Variants in CYREN observed in about 807,000 individuals in gnomAD.
CYREN encodes cell cycle regulator of NHEJ.
A neutral mutation model predicts 9.7 loss-of-function variants in CYREN; 7 were observed. That is an observed-to-expected ratio of 0.72 (90% CI 0.41 to 1.36). The LOEUF is 1.36. CYREN is among the 40% of genes most tolerant of loss of function. The probability of loss-of-function intolerance (pLI) is 0.01; values close to 1 mark genes in which losing one functional copy is unlikely to be tolerated. For synonymous variants in CYREN, 76 were observed against 77.9 expected, an observed-to-expected ratio of 0.98 and a Z score of 0.13; for missense variants, 215 against 198.1, an observed-to-expected ratio of 1.09 and a Z score of -0.51.
chr7:135,141,997 G>A (rs1279127818), intron 2 of CYREN, among the ~76,000 whole-genome samples: 1 of 152,084 alleles, frequency 6.6e-6, no homozygotes, highest in Admixed American at 6.6e-5. Flanking sequence ...TGTGCCATAT[G>A]CAAATGAGAA....
At chr7:135,096,607 A>G (rs1412871018) in intron 2 of CYREN, among the ~76,000 whole-genome samples, 2 of 123,228 alleles carry the variant, frequency 1.6e-5, no homozygotes, top group African/African-American at 5.7e-5. Flanking sequence ...ATAGATAGAT[A>G]GATAGATAGA....
chr7:135,121,933 G>A (rs1261695413), intron 2 of CYREN, among the ~76,000 whole-genome samples: 6 of 152,184 alleles, frequency 3.9e-5, no homozygotes, highest in African/African-American at 7.2e-5. Flanking sequence ...CACGACCCAC[G>A]CCACCAGGGC....
downstream of CYREN, among the ~76,000 whole-genome samples, chr7:135,163,960 C>T (rs1301104785): frequency 1.3e-5 from 2 of 152,188 alleles, no homozygotes; most frequent in Admixed American, 1.3e-4. Flanking sequence ...CTTACAGCTC[C>T]CCAGGTGGTT....
At chr7:135,160,757 G>C (rs536359743) in intron 2 of CYREN, among the ~76,000 whole-genome samples, 1 of 149,372 alleles carries the variant, frequency 6.7e-6, no homozygotes, top group African/African-American at 2.5e-5. Flanking sequence ...ACAAAAAAAA[G>C]AGCCCCTACT....
At chr7:135,141,757 T>C (rs981811537) in intron 2 of CYREN, among the ~76,000 whole-genome samples, 2 of 152,180 alleles carry the variant, frequency 1.3e-5, no homozygotes, top group East Asian at 1.9e-4. Context: ...ATATTTGTTT[T>C]CATTAGTTTC....
At chr7:135,104,591 T>C (rs1824365765) in intron 2 of CYREN, among the ~76,000 whole-genome samples, 1 of 152,132 alleles carries the variant, frequency 6.6e-6, no homozygotes, top group African/African-American at 2.4e-5. Flanking sequence ...CCGGCATTTG[T>C]TATTTTTTGA....
chr7:135,156,484 G>A (rs1829796715), intron 2 of CYREN, among the ~76,000 whole-genome samples: 1 of 151,780 alleles, frequency 6.6e-6, no homozygotes, highest in African/African-American at 2.4e-5. Context: ...TCTGCTTGGT[G>A]TAGTCTACTG....
chr7:135,158,369 G>C (rs765278945), intron 2 of CYREN, among the ~76,000 whole-genome samples: 1 of 152,264 alleles, frequency 6.6e-6, no homozygotes, highest in African/African-American at 2.4e-5. Context: ...GTTCCAGGGA[G>C]GGGTGCTGCC....
At chr7:135,109,310 G>C (rs1481090920) in intron 2 of CYREN, among the ~76,000 whole-genome samples, 3 of 152,214 alleles carry the variant, frequency 2.0e-5, no homozygotes, top group African/African-American at 4.8e-5. Flanking sequence ...ACGGGTGAGG[G>C]CTGCAAGAGA....
At chr7:135,170,742 G>T (rs1419764788), upstream of CYREN, 1 of 152,292 alleles carries the variant, frequency 6.6e-6, no homozygotes, top group African/African-American at 2.4e-5. Context: ...CGCGCTCCGG[G>T]GTCCCGCGGG....
intron 2 of CYREN, chr7:135,115,732 T>C: frequency 1.2e-6 from 1 of 805,708 alleles, no homozygotes; most frequent in Non-Finnish European, 1.9e-6. Flanking sequence ...GTCAGCTCCA[T>C]CACATTTGGC....
chr7:135,102,962 TAAGA>T lies in CYREN; in HGVS notation n.357-8384_357-8381del, dbSNP rs1393728006. 3.3e-5 allele frequency among the ~76,000 whole-genome samples: 5 copies of T among 152,186 alleles called. No homozygotes were observed. The East Asian group carries it at 9.6e-4, about 29-fold the overall frequency. ...AATCATTCTCTTTAAAAGACACTGT[TAAGA>T]AAATTAAAATGCATGGGACATATTG... On this transcript the variant is annotated intron_variant and non_coding_transcript_variant, in intron 2 of 2. Transcript: ENST00000459937.
intron 2 of CYREN, among the ~76,000 whole-genome samples, chr7:135,139,583 C>T (rs1829415905): frequency 2.0e-5 from 3 of 151,970 alleles, no homozygotes; most frequent in South Asian, 4.2e-4. Context: ...TTAATTAGGT[C>T]CCACTTGTAA....
chr7:135,165,101 G>C, downstream of CYREN: 1 of 1,399,308 alleles, frequency 7.1e-7, no homozygotes, highest in South Asian at 1.5e-5. Flanking sequence ...CAGCTCCAGC[G>C]ATGGAACCCA....
chr7:135,141,352 C>T (rs1404097168), intron 2 of CYREN, among the ~76,000 whole-genome samples: 1 of 151,962 alleles, frequency 6.6e-6, no homozygotes, highest in Non-Finnish European at 1.5e-5. Flanking sequence ...TACAGTCATT[C>T]ATAATTGTCT....
chr7:135,160,920 G>C (rs1166290514), downstream of CYREN, among the ~76,000 whole-genome samples: 1 of 152,210 alleles, frequency 6.6e-6, no homozygotes, highest in Non-Finnish European at 1.5e-5. Context: ...GCAGAAAGTA[G>C]AGTAGGACTC....
intron 2 of CYREN, among the ~76,000 whole-genome samples, chr7:135,131,762 GTTGT>G (rs753157961): frequency 6.6e-5 from 10 of 152,054 alleles, no homozygotes; most frequent in Non-Finnish European, 1.0e-4. Context: ...GAAACAACTG[GTTGT>G]TTGAACAGAT....
In CYREN at chr7:135,135,448, G is replaced by C. The variant is rs1562914452; in HGVS notation, n.356+33301C>G. Reference sequence around the variant, plus strand: ...GGAACATCTTTCAGAGATTTAAAAAGAAATCCAGAGAAAATATGGAAAAAT... The same window carrying C: ...GGAACATCTTTCAGAGATTTAAAAACAAATCCAGAGAAAATATGGAAAAAT... On this transcript the variant is annotated intron_variant and non_coding_transcript_variant, in intron 2 of 2. Coordinates refer to the CYREN transcript ENST00000459937. 5 of 405,380 alleles carry C rather than the reference G, an allele frequency of 1.2e-5. No individual in the cohort carries two copies. The East Asian group carries it at 1.5e-4, about 12-fold the overall frequency. The allele number at this position is 405,380 out of a possible 1,614,324, so 25.1% of individuals were successfully genotyped here.
At chr7:135,152,320 C>A (rs1027685632) in intron 2 of CYREN, among the ~76,000 whole-genome samples, 14 of 152,324 alleles carry the variant, frequency 9.2e-5, no homozygotes, top group Admixed American at 2.0e-4. Flanking sequence ...ATAATAACAT[C>A]CACACAAGGG....
Sources: gnomAD v4.1 joint callset for allele counts (sites outside exome capture counted in the v4.1 genomes callset) on GRCh38, gnomAD v4.1.1 for gene constraint, MANE v1.5 for transcripts, NCBI Gene and HGNC (gene_info 2026-07-23, HGNC 2026-07-21) for gene names.